TP73: variants seen among roughly 807,000 people sequenced by gnomAD.
TP73 encodes tumor protein p73, also known as p53-like transcription factor.
In TP73, 25 loss-of-function variants were observed where a neutral mutation model predicts 62.5. That is an observed-to-expected ratio of 0.40 (90% CI 0.29 to 0.56). The LOEUF (loss-of-function observed/expected upper bound fraction) is 0.56. Among genes scored for constraint, TP73 ranks in the 20% least tolerant of loss-of-function variants. The pLI is 0.46. For missense variants in TP73, 754 were observed against 913.3 expected, an observed-to-expected ratio of 0.83 and a Z score of 2.25; for synonymous variants, 423 against 377.5, an observed-to-expected ratio of 1.12 and a Z score of -1.40.
At chr1:3,654,372 A>G (rs998087094) in intron 1 of TP73, among the ~76,000 whole-genome samples, 1 of 152,150 alleles carries the variant, frequency 6.6e-6, no homozygotes, top group Non-Finnish European at 1.5e-5. Flanking sequence ...AGCGAACAGT[A>G]GCTGTCTCCA....
intron 1 of TP73, among the ~76,000 whole-genome samples, chr1:3,673,743 G>A (rs1459862566): frequency 6.6e-6 from 1 of 152,246 alleles, no homozygotes; most frequent in Admixed American, 6.5e-5. Context: ...GCCTGGGCAG[G>A]CAGCAGAGGA....
intron 1 of TP73, among the ~76,000 whole-genome samples, chr1:3,661,922 T>C (rs1645002482): frequency 2.6e-5 from 4 of 151,066 alleles, no homozygotes; most frequent in Non-Finnish European, 5.9e-5. Context: ...TAGCTGGGTG[T>C]GGTGGTGCCC....
At chr1:3,684,845 G>A (rs1570437558) in intron 3 of TP73, among the ~76,000 whole-genome samples, 1 of 147,404 alleles carries the variant, frequency 6.8e-6, no homozygotes, top group African/African-American at 2.5e-5. Context: ...TGAGGAAACC[G>A]AGGCAGATGC....
chr1:3,710,811 G>A (rs771385067), intron 4 of TP73, among the ~76,000 whole-genome samples: 2 of 152,338 alleles, frequency 1.3e-5, no homozygotes, highest in South Asian at 2.1e-4. Flanking sequence ...TTATGCACAC[G>A]CAGACACATG....
rs6424091 is a variant in TP73 at position 3,723,521 on chromosome 1, C to G, written c.732+52C>G. 721,638 of 932,814 alleles carry G rather than the reference C, an allele frequency of 0.77. 283,136 individuals carry two copies. Among genetic ancestry groups the G allele is most frequent in the African/African-American group, 0.84 (51,107 of 60,852 alleles). 57.8% of individuals were successfully genotyped at this position (932,814 alleles called of 1,614,324 possible). On this transcript the variant is annotated intron_variant, in intron 6 of 13. Coordinates refer to ENST00000378295, the MANE Select transcript of TP73 (RefSeq NM_005427.4). ...GGGCCCTGCAGTCAGCTGTACGGGTCGGGGGAGGGGTCCCCTGAGGCAGCC... is the reference window on the plus strand; with the variant it reads ...GGGCCCTGCAGTCAGCTGTACGGGTGGGGGGAGGGGTCCCCTGAGGCAGCC...
chr1:3,702,443 A>G (rs1301197670), intron 3 of TP73, among the ~76,000 whole-genome samples: 1 of 151,926 alleles, frequency 6.6e-6, no homozygotes, highest in African/African-American at 2.4e-5. Flanking sequence ...GAGCAGCCCC[A>G]TTTACCACTG....
intron 3 of TP73, chr1:3,690,920 T>A (rs1303906664): frequency 1.3e-6 from 2 of 1,581,402 alleles, no homozygotes; most frequent in Non-Finnish European, 1.7e-6. Flanking sequence ...TGTACGTCGG[T>A]GACCCCGCAC....
Position 3,730,976 on chromosome 1 carries a change from G to A in TP73, c.1395G>A (p.Glu465=). Residue 465 remains glutamate (E), a synonymous_variant, in exon 12 of 14, where the codon GAG becomes GAA. Coordinates refer to ENST00000378295, the MANE Select transcript of TP73 (RefSeq NM_005427.4). ...NHGHAVPANG[E]MSSSHSAQSM... ...GCCACGCAGTGCCAGCCAACGGCGA[G>A]ATGAGCAGCAGCCACAGCGCCCAGT... The A allele has an allele frequency of 6.2e-7, 1 of 1,612,110 alleles. No individual in the cohort carries two copies. Among genetic ancestry groups the A allele is most frequent in the Non-Finnish European group, 8.5e-7 (1 of 1,179,720 alleles).
At chr1:3,655,350 G>T (rs1329507830) in intron 1 of TP73, among the ~76,000 whole-genome samples, 1 of 152,152 alleles carries the variant, frequency 6.6e-6, no homozygotes, top group Admixed American at 6.5e-5. Context: ...TCACCCCACT[G>T]CACTCCAGCC....
rs375742288 is a variant in TP73, at chr1:3,731,608, T to A, written c.1578+52T>A. On this transcript the variant is annotated intron_variant, in intron 13 of 13. Transcript: ENST00000378295. ...CAGAGGCAGTAGCTGGAGGGGCCCC[T>A]GTCCGGAGGGCAAAGAGCCTTCTCT... is the stretch of plus-strand genomic sequence containing the variant. 5.9e-4 allele frequency: 905 copies of A among 1,528,418 alleles called. 2 individuals are homozygous for A. The highest frequency in any genetic ancestry group is 1.3e-3 in the Admixed American group (78 of 59,166). The allele number at this position is 1,528,418 out of a possible 1,614,324, so 94.7% of individuals were successfully genotyped here. A position where few individuals can be genotyped will look rare whatever the true frequency, so the allele number is the denominator to read the frequency against.
chr1:3,682,258 CCCCA>C (rs1466819910), intron 1 of TP73, 71 bp from the exon 2 acceptor site: 32 of 1,180,264 alleles, frequency 2.7e-5, no homozygotes, highest in Non-Finnish European at 3.5e-5. Flanking sequence ...TGCCTGCCGC[CCCCA>C]CCGAGGCTGT....
At chr1:3,707,518 TC>T in intron 3 of TP73, 30 bp from the exon 4 acceptor site, 2 of 1,590,536 alleles carry the variant, frequency 1.3e-6, no homozygotes, top group Non-Finnish European at 1.7e-6. Context: ...TGTGTGTGTT[TC>T]CCCCTCCCTC....
At chr1:3,685,470 A>T (rs1319213476) in intron 3 of TP73, among the ~76,000 whole-genome samples, 1 of 152,168 alleles carries the variant, frequency 6.6e-6, no homozygotes, top group African/African-American at 2.4e-5. Context: ...GAGATGGGGG[A>T]TTCCCTGGAA....
At chr1:3,716,111 G>A (rs1393562350) in intron 4 of TP73, among the ~76,000 whole-genome samples, 1 of 152,238 alleles carries the variant, frequency 6.6e-6, no homozygotes, top group Non-Finnish European at 1.5e-5. Context: ...CCAGTGAGCA[G>A]TTTCTTGTCC....
chr1:3,691,463 C>T (rs563077064), intron 3 of TP73, among the ~76,000 whole-genome samples: 3 of 152,174 alleles, frequency 2.0e-5, no homozygotes, highest in Admixed American at 6.5e-5. Flanking sequence ...GGGCTCTTCT[C>T]GGTGTGGGTC....
intron 4 of TP73, among the ~76,000 whole-genome samples, chr1:3,708,923 A>G (rs1639900004): frequency 6.6e-6 from 1 of 152,144 alleles, no homozygotes; most frequent in Admixed American, 6.5e-5. Flanking sequence ...CCTGAAGTCC[A>G]TGCAGGGCGG....
At chr1:3,713,666 C>A (rs1640349297) in intron 4 of TP73, among the ~76,000 whole-genome samples, 1 of 152,192 alleles carries the variant, frequency 6.6e-6, no homozygotes, top group South Asian at 2.1e-4. Context: ...GTAGAGAAGG[C>A]CCTGAGCGAC....
At chr1:3,686,014 C>G (rs1055888568) in intron 3 of TP73, among the ~76,000 whole-genome samples, 1 of 152,210 alleles carries the variant, frequency 6.6e-6, no homozygotes, top group Admixed American at 6.5e-5. Flanking sequence ...GTCCTGAGTT[C>G]GTGGCTCAGG....
intron 4 of TP73, among the ~76,000 whole-genome samples, chr1:3,711,470 C>G (rs527667531): frequency 6.6e-6 from 1 of 152,376 alleles, no homozygotes; most frequent in African/African-American, 2.4e-5. Flanking sequence ...GCTGTCAGAA[C>G]AGCCCGACGC....
Sources: allele counts gnomAD v4.1 joint callset (sites outside exome capture counted in the v4.1 genomes callset), GRCh38; gene constraint gnomAD v4.1.1; transcripts MANE v1.5; gene names NCBI Gene and HGNC (gene_info 2026-07-23, HGNC 2026-07-21).